Variants in PTPRB observed in about 807,000 individuals in gnomAD.
PTPRB encodes the protein receptor-type tyrosine-protein phosphatase beta.
In PTPRB, 97 loss-of-function variants were observed where a neutral mutation model predicts 238.1. The ratio of observed to expected loss-of-function variants is 0.41; its 90% CI spans 0.35 to 0.48. The LOEUF (loss-of-function observed/expected upper bound fraction) is 0.48. Ranked by LOEUF, PTPRB falls within the 20% of genes least tolerant of loss-of-function variation. The pLI is 0.30. For missense variants in PTPRB, 2,292 were observed against 2,681.9 expected, an observed-to-expected ratio of 0.85 and a Z score of 3.21; for synonymous variants, 970 against 995.4, an observed-to-expected ratio of 0.97 and a Z score of 0.48.
At chr12:70,636,160 C>T (rs1337789231) in intron 1 of PTPRB, 94 bp from the exon 2 acceptor site, 11 of 1,204,686 alleles carry the variant, frequency 9.1e-6, no homozygotes, top group Admixed American at 9.0e-5. Context: ...TAAATAAAAT[C>T]ACTAGTTTTA....
chr12:70,557,726 A>T (rs1334475834), intron 18 of PTPRB, among the ~76,000 whole-genome samples: 2 of 152,228 alleles, frequency 1.3e-5, no homozygotes, highest in Non-Finnish European at 2.9e-5. Context: ...TGGAGAGCCT[A>T]CACACCCTGT....
chr12:70,595,551 G>A (rs1034761387), intron 5 of PTPRB, among the ~76,000 whole-genome samples: 8 of 152,174 alleles, frequency 5.3e-5, no homozygotes, highest in Non-Finnish European at 1.0e-4. Context: ...AGGTAGTGAT[G>A]TGCCATGTAT....
Position 70,564,865 on chromosome 12 carries a change from AAT to A in PTPRB, c.3904+1568_3904+1569del, listed in dbSNP as rs1226967638. 2.4e-3 allele frequency among the ~76,000 whole-genome samples: 263 copies of A among 108,014 alleles called. 2 individuals are homozygous for A. The highest frequency in any genetic ancestry group is 4.4e-3 in the Non-Finnish European group (204 of 46,630). 70.9% of individuals were successfully genotyped at this position (108,014 alleles called of 152,430 possible). ...AATAAATAATAATAATAATAATAAT[AAT>A]AATAATAATAATAATAATAATAAAT... On this transcript the variant is annotated intron_variant, in intron 15 of 33. Transcript: ENST00000334414.
intron 4 of PTPRB, among the ~76,000 whole-genome samples, chr12:70,599,678 A>G (rs563515959): frequency 6.6e-6 from 1 of 152,356 alleles, no homozygotes; most frequent in Non-Finnish European, 1.5e-5. Flanking sequence ...TAAATCTACC[A>G]GCACCAGAAA....
chr12:70,604,683 G>A (rs1883795222), intron 4 of PTPRB, among the ~76,000 whole-genome samples: 1 of 152,202 alleles, frequency 6.6e-6, no homozygotes, highest in Non-Finnish European at 1.5e-5. Context: ...CAGTACCTCA[G>A]TATGTGGAGA....
chr12:70,522,124 C>T (rs1434019439), intron 33 of PTPRB, among the ~76,000 whole-genome samples: 1 of 152,162 alleles, frequency 6.6e-6, no homozygotes, highest in Non-Finnish European at 1.5e-5. Context: ...GATGCTAACT[C>T]ATTAACATAC....
rs774271063 is a variant in PTPRB at position 70,635,823 on chromosome 12, C to G, written c.299G>C (p.Gly100Ala). Residue 100 changes from glycine to alanine, a missense_variant, in exon 2 of 34, where the codon GGC becomes GCC. By Grantham distance (60) the Gly-to-Ala change is moderately conservative (BLOSUM62 0). This residue lies in a region of PTPRB where 1,205 missense variants were observed against 1,287.8 expected (regional missense o/e 0.94). Coordinates refer to ENST00000334414, the MANE Select transcript of PTPRB (RefSeq NM_001109754.4). ...AGAGGCATTTTCCACCTCAAGGAAG[C>G]CTTCCTGATCATAGCAGGTCCATCG... ...APRWTCYDQE[G>A]FLEVENASLF... is the part of the protein sequence containing the mutation. 2.5e-6 allele frequency: 4 copies of G among 1,613,452 alleles called. No individual in the cohort carries two copies. Among genetic ancestry groups the G allele is most frequent in the African/African-American group, 1.3e-5 (1 of 74,910 alleles).
At chr12:70,623,090 A>G (rs974841070) in intron 2 of PTPRB, among the ~76,000 whole-genome samples, 2 of 152,194 alleles carry the variant, frequency 1.3e-5, no homozygotes, top group African/African-American at 2.4e-5. Flanking sequence ...CAGGTTTTAA[A>G]CAAAATACCA....
chr12:70,599,566 G>A (rs1338828435), intron 4 of PTPRB, among the ~76,000 whole-genome samples: 1 of 152,146 alleles, frequency 6.6e-6, no homozygotes, highest in Admixed American at 6.5e-5. Flanking sequence ...AGAGCACTTT[G>A]TAATTCTTGG....
chr12:70,616,815 T>C (rs1177323037), intron 3 of PTPRB, among the ~76,000 whole-genome samples: 2 of 152,334 alleles, frequency 1.3e-5, no homozygotes, highest in Non-Finnish European at 2.9e-5. Flanking sequence ...CCCATTTCAA[T>C]GCATGTGTTC....
At chr12:70,536,281 T>G (rs2278346) in intron 28 of PTPRB, 122 bp from the exon 29 acceptor site, 441,770 of 1,145,460 alleles carry the variant, frequency 0.39, 88,202 homozygotes, top group Middle Eastern at 0.47. Flanking sequence ...CAGAAAAAGA[T>G]ACTAACACAA....
chr12:70,577,026 C>T (rs1430999244), intron 10 of PTPRB, among the ~76,000 whole-genome samples: 2 of 152,116 alleles, frequency 1.3e-5, no homozygotes, highest in Non-Finnish European at 2.9e-5. Context: ...CTAAATGAAT[C>T]AACTTGAACC....
chr12:70,608,544 C>G (rs1045101912), intron 4 of PTPRB, among the ~76,000 whole-genome samples: 8 of 152,180 alleles, frequency 5.3e-5, no homozygotes, highest in Non-Finnish European at 1.2e-4. Context: ...GGTTATTACT[C>G]AAGAGATACA....
intron 3 of PTPRB, among the ~76,000 whole-genome samples, chr12:70,616,800 A>T (rs1288882867): frequency 6.6e-6 from 1 of 152,152 alleles, no homozygotes; most frequent in Non-Finnish European, 1.5e-5. Context: ...TGTCATGTTA[A>T]AGGGCCCATT....
At chr12:70,548,376 ACACACACACG>A (rs1398205203) in intron 21 of PTPRB, among the ~76,000 whole-genome samples, 1 of 149,278 alleles carries the variant, frequency 6.7e-6, no homozygotes, top group African/African-American at 2.5e-5. Flanking sequence ...ACACACACAC[ACACACACACG>A]CCATGACTTT....
At chr12:70,551,139 G>A (rs11178286) in intron 21 of PTPRB, among the ~76,000 whole-genome samples, 1 of 151,982 alleles carries the variant, frequency 6.6e-6, no homozygotes, top group Non-Finnish European at 1.5e-5. Flanking sequence ...CAAGTGATTC[G>A]CCCACCTCGG....
At chr12:70,573,359 T>C (rs2136387288) in intron 11 of PTPRB, among the ~76,000 whole-genome samples, 1 of 152,296 alleles carries the variant, frequency 6.6e-6, no homozygotes, top group Non-Finnish European at 1.5e-5. Flanking sequence ...CCACATACTT[T>C]GATGTAGGTT....
intron 4 of PTPRB, chr12:70,608,742 CAATTT>C (rs1204892882): frequency 3.8e-6 from 1 of 262,880 alleles, no homozygotes; most frequent in Non-Finnish European, 7.1e-6. Flanking sequence ...CAGGGTTTGA[CAATTT>C]AATGCAATGG....
chr12:70,530,232 G>A (rs1256744608), intron 32 of PTPRB, among the ~76,000 whole-genome samples: 1 of 152,102 alleles, frequency 6.6e-6, no homozygotes, highest in Non-Finnish European at 1.5e-5. Context: ...AATACTGACT[G>A]GATATTAGGT....
Sources: gnomAD v4.1 joint callset for allele counts (sites outside exome capture counted in the v4.1 genomes callset) on GRCh38, gnomAD v4.1.1 for gene constraint, gnomAD v4.1.1 regional missense constraint, MANE v1.5 for transcripts, NCBI Gene and HGNC (gene_info 2026-07-23, HGNC 2026-07-21) for gene names.